Variants in LNPEP observed in about 807,000 individuals in gnomAD.
LNPEP encodes leucyl and cystinyl aminopeptidase.
LNPEP carries 64 observed loss-of-function variants against 120.6 expected under a neutral mutation model. The observed-to-expected ratio is 0.53, with a 90% CI of 0.43 to 0.65. LNPEP has a LOEUF of 0.65. Among genes scored for constraint, LNPEP ranks in the 30% least tolerant of loss-of-function variants. LNPEP has a pLI of 0.00. For synonymous variants in LNPEP, 435 were observed against 425.4 expected (o/e 1.02, Z -0.28); for missense variants, 1,057 against 1,200.0 (o/e 0.88, Z 1.76).
At chr5:97,010,533 G>A in intron 11 of LNPEP, 1 of 985,240 alleles carries the variant, frequency 1.0e-6, no homozygotes, top group Non-Finnish European at 1.2e-6. Context: ...GCCCTCTGGA[G>A]CAAACTGTAC....
chr5:97,013,880 T>C (rs1231375727), intron 12 of LNPEP, 49 bp downstream of exon 12: 1 of 1,337,598 alleles, frequency 7.5e-7, no homozygotes, highest in Non-Finnish European at 1.0e-6. Flanking sequence ...ACAAATGTCA[T>C]TGAGGTAAAG....
intron 1 of LNPEP, among the ~76,000 whole-genome samples, chr5:96,941,312 T>C (rs1011543839): frequency 6.6e-6 from 1 of 152,172 alleles, no homozygotes; most frequent in Non-Finnish European, 1.5e-5. Context: ...TGCTGCTCAC[T>C]CCTGCTGTGT....
chr5:96,984,616 G>A (rs1582004066), intron 2 of LNPEP, among the ~76,000 whole-genome samples: 1 of 152,092 alleles, frequency 6.6e-6, no homozygotes, highest in South Asian at 2.1e-4. Context: ...GTGGGCTTTT[G>A]TTAAATTCCA....
intron 16 of LNPEP, among the ~76,000 whole-genome samples, 182 bp downstream of exon 16, chr5:97,026,939 A>G (rs1306804316): frequency 2.0e-5 from 3 of 152,220 alleles, no homozygotes; most frequent in African/African-American, 7.2e-5. Context: ...AGCATGAATC[A>G]TTTAACAGTA....
chr5:97,024,742 T>C, intron 15 of LNPEP, 60 bp downstream of exon 15: 1 of 1,479,978 alleles, frequency 6.8e-7, no homozygotes. Context: ...CACTGTGCTC[T>C]TGGTCAGGAG....
At chr5:96,962,515 A>G (rs1168169485) in intron 1 of LNPEP, 4 of 152,192 alleles carry the variant, frequency 2.6e-5, no homozygotes, top group East Asian at 1.9e-4. Context: ...AGATAATATT[A>G]TTATCCCCAT....
At chr5:96,964,268 T>C (rs1271404277) in intron 1 of LNPEP, among the ~76,000 whole-genome samples, 1 of 152,006 alleles carries the variant, frequency 6.6e-6, no homozygotes, top group African/African-American at 2.4e-5. Flanking sequence ...ATTGATAGTT[T>C]TTTGTTAATT....
intron 1 of LNPEP, among the ~76,000 whole-genome samples, chr5:96,948,089 G>A (rs989984200): frequency 2.6e-5 from 4 of 151,708 alleles, no homozygotes; most frequent in African/African-American, 9.7e-5. Context: ...CCGGGAAGAA[G>A]CATAGTGTAA....
intron 1 of LNPEP, among the ~76,000 whole-genome samples, chr5:96,978,658 G>A (rs1033662075): frequency 6.6e-6 from 1 of 152,104 alleles, no homozygotes; most frequent in African/African-American, 2.4e-5. Flanking sequence ...GCAGATTTGA[G>A]GCCTGTTGGA....
chr5:96,948,464 T>C (rs1268915207), intron 1 of LNPEP, among the ~76,000 whole-genome samples: 1 of 152,228 alleles, frequency 6.6e-6, no homozygotes, highest in Non-Finnish European at 1.5e-5. Context: ...TTAATAAGTA[T>C]TTTTATTTGT....
At chr5:96,988,403 A>G (rs1724274714) in intron 4 of LNPEP, among the ~76,000 whole-genome samples, 2 of 146,634 alleles carry the variant, frequency 1.4e-5, no homozygotes, top group African/African-American at 5.1e-5. Context: ...AAGTGGCACA[A>G]TTTCGGTTCA....
intron 15 of LNPEP, among the ~76,000 whole-genome samples, chr5:97,025,474 C>CT (rs1791315150): frequency 6.6e-6 from 1 of 152,316 alleles, no homozygotes; most frequent in African/African-American, 2.4e-5. Context: ...AGAAAAATCA[C>CT]TGTTTTTAAA....
At position 96,979,633 on chromosome 5, in the gene LNPEP, T is replaced by C; in HGVS notation, c.515T>C (p.Val172Ala). 6.2e-7 allele frequency: 1 copy of C among 1,614,110 alleles called. No individual in the cohort carries two copies. The change falls in exon 2 of 18, where the codon GTT becomes GCT. Residue 172 changes from valine (V) to alanine (A), a missense_variant. Physicochemically the swap from Val to Ala is moderately conservative, Grantham distance 64. Transcript: ENST00000231368. Reference protein sequence around the residue: ...PWAQIRLPTAVVPLRYELSLH... With the variant: ...PWAQIRLPTAAVPLRYELSLH... Reference sequence around the variant, plus strand: ...GCACAGATCAGGCTTCCCACTGCCGTTGTGCCACTACGCTATGAACTCAGC... The same window carrying C: ...GCACAGATCAGGCTTCCCACTGCCGCTGTGCCACTACGCTATGAACTCAGC...
At chr5:96,971,589 C>A (rs1051546802) in intron 1 of LNPEP, among the ~76,000 whole-genome samples, 1 of 151,960 alleles carries the variant, frequency 6.6e-6, no homozygotes. Context: ...TTTCTTCAAT[C>A]CTTTGTCTCA....
At chr5:97,005,679 C>T (rs1337730624) in intron 9 of LNPEP, among the ~76,000 whole-genome samples, 1 of 152,182 alleles carries the variant, frequency 6.6e-6, no homozygotes. Flanking sequence ...TGATTCTAGA[C>T]TGTATATCAT....
intron 1 of LNPEP, among the ~76,000 whole-genome samples, chr5:96,968,492 A>AT (rs1789780916): frequency 6.6e-6 from 1 of 151,648 alleles, no homozygotes; most frequent in African/African-American, 2.4e-5. Context: ...CTTCTGGGTT[A>AT]TTTTTTTCAG....
Position 96,944,560 on chromosome 5 carries a change from C to CTTTTTTT in LNPEP, c.19+8406_19+8412dup, listed in dbSNP as rs60017687. Reference sequence around the variant, plus strand: ...TTCTTTTTTGTTTTTCTTATTTTTGCTTTTTTTTTTTTTTTTTTTTTTTTT... The same window carrying CTTTTTTT: ...TTCTTTTTTGTTTTTCTTATTTTTGCTTTTTTTTTTTTTTTTTTTTTTTTTTTTTTTT... On this transcript the variant is annotated intron_variant, in intron 1 of 17. Coordinates refer to ENST00000231368, the MANE Select transcript of LNPEP (RefSeq NM_005575.3). Among the ~76,000 whole-genome samples the CTTTTTTT allele has an allele frequency of 1.4e-4, 8 of 56,356 alleles. 1 individual carries two copies. The highest frequency in any genetic ancestry group is 6.1e-4 in the East Asian group (1 of 1,640). 37.0% of individuals were successfully genotyped at this position (56,356 alleles called of 152,430 possible). A position where few individuals can be genotyped will look rare whatever the true frequency, so the allele number is the denominator to read the frequency against.
Position 97,037,223 on chromosome 5 carries a change from C to T in LNPEP, c.*8690C>T, listed in dbSNP as rs762807732. On this transcript the variant is annotated 3_prime_UTR_variant, in exon 18 of 18. Transcript: ENST00000231368. ...TACTTGGAAACTTGTAAAGGTATTA[C>T]ATTTTTATATTTAAACACCTATAGA... The T allele has an allele frequency of 6.6e-6, 1 of 152,094 alleles. No individual in the cohort carries two copies. Among genetic ancestry groups the T allele is most frequent in the Non-Finnish European group, 1.5e-5 (1 of 68,014 alleles). 9.4% of individuals were successfully genotyped at this position (152,094 alleles called of 1,614,324 possible).
At position 96,948,116 on chromosome 5, in the gene LNPEP, T is replaced by TCC. The variant is rs1443308203; in HGVS notation, c.19+11942_19+11943insCC. On this transcript the variant is annotated intron_variant, in intron 1 of 17. Coordinates refer to ENST00000231368, the MANE Select transcript of LNPEP (RefSeq NM_005575.3). ...ATAGTGTAAACATTTTAATACAAAT[T>TCC]TCTCTTTTTTTTTTTTTTTGAGATG... 8.1e-4 allele frequency among the ~76,000 whole-genome samples: 122 copies of TCC among 150,182 alleles called. 2 individuals are homozygous for TCC. Among genetic ancestry groups the TCC allele is most frequent in the African/African-American group, 2.6e-3 (108 of 41,274 alleles).
Sources: gnomAD v4.1 joint callset for allele counts (sites outside exome capture counted in the v4.1 genomes callset) on GRCh38, gnomAD v4.1.1 for gene constraint, MANE v1.5 for transcripts, NCBI Gene and HGNC (gene_info 2026-07-23, HGNC 2026-07-21) for gene names.